Variants in PCDHGA1 observed in about 807,000 individuals in gnomAD.
PCDHGA1 encodes protocadherin gamma-A1.
PCDHGA1 carries 32 observed loss-of-function variants against 58.0 expected under a neutral mutation model. That is an observed-to-expected ratio of 0.55 (90% confidence interval 0.42 to 0.74). The LOEUF (loss-of-function observed/expected upper bound fraction) is 0.74, where lower values mean the gene tolerates loss of function less well. PCDHGA1 is among the 30% of genes least tolerant of loss of function. The pLI is 0.00. For missense variants in PCDHGA1, 1,205 were observed against 1,182.3 expected, an observed-to-expected ratio of 1.02 and a Z score of -0.28; for synonymous variants, 498 against 501.1, an observed-to-expected ratio of 0.99 and a Z score of 0.08.
chr5:141,370,990 C>T (rs763809323), intron 1 of PCDHGA1: 3 of 1,613,826 alleles, frequency 1.9e-6, no homozygotes, highest in Admixed American at 1.7e-5. Flanking sequence ...CTGAAAGCAC[C>T]CCTGGACAGG....
intron 1 of PCDHGA1, chr5:141,370,780 AC>A: frequency 6.2e-7 from 1 of 1,613,990 alleles, no homozygotes; most frequent in Non-Finnish European, 8.5e-7. Context: ...ATTAACGACA[AC>A]CCACCGACCT....
At position 141,340,127 on chromosome 5, in the gene PCDHGA1, C is replaced by T. The variant is rs372581475; in HGVS notation, c.2421+7022C>T. The T allele has an allele frequency of 5.0e-5, 80 of 1,614,068 alleles. No homozygotes were observed. Among genetic ancestry groups the T allele is most frequent in the Non-Finnish European group, 4.8e-5 (57 of 1,180,014 alleles). On this transcript the variant is annotated intron_variant, in intron 1 of 3. Transcript: ENST00000517417. ...GCAGAACGCATTCACCACCTGTTCA[C>T]TCCCCGAGGATCTTCCTTTTAAGTT...
At chr5:141,370,968 C>A (rs528172004) in intron 1 of PCDHGA1, 3 of 1,613,848 alleles carry the variant, frequency 1.9e-6, no homozygotes, top group East Asian at 2.2e-5. Flanking sequence ...CAGTAGGTAC[C>A]CAGAGCTAGT....
chr5:141,360,907 G>T, intron 1 of PCDHGA1: 1 of 1,613,998 alleles, frequency 6.2e-7, no homozygotes, highest in Non-Finnish European at 8.5e-7. Context: ...CGTGCCGCCG[G>T]GCTTCTTTGT....
chr5:141,480,371 C>T (rs1562080299), intron 1 of PCDHGA1, among the ~76,000 whole-genome samples: 1 of 151,908 alleles, frequency 6.6e-6, no homozygotes, highest in African/African-American at 2.4e-5. Flanking sequence ...GCTGTGATTG[C>T]ACCACTACAC....
At chr5:141,346,268 G>T in intron 1 of PCDHGA1, 1 of 1,614,196 alleles carries the variant, frequency 6.2e-7, no homozygotes, top group South Asian at 1.1e-5. Context: ...GCGCGGACGG[G>T]GTTCGGGCTT....
At chr5:141,351,265 C>G (rs748596533) in intron 1 of PCDHGA1, 62 of 1,613,778 alleles carry the variant, frequency 3.8e-5, no homozygotes, top group Non-Finnish European at 5.1e-5. Flanking sequence ...AAATTGTTGA[C>G]GAGAATGACA....
chr5:141,445,825 G>A (rs1031190864), intron 1 of PCDHGA1, among the ~76,000 whole-genome samples: 8 of 152,124 alleles, frequency 5.3e-5, no homozygotes, highest in Non-Finnish European at 1.2e-4. Context: ...AATAAGGCAG[G>A]GAGAGCCTTG....
At chr5:141,344,204 G>A in intron 1 of PCDHGA1, 1 of 1,614,036 alleles carries the variant, frequency 6.2e-7, no homozygotes, top group East Asian at 2.2e-5. Context: ...TAGAGCCCCG[G>A]GAGCTGGCGG....
At chr5:141,427,957 C>A in intron 1 of PCDHGA1, 2 of 1,588,400 alleles carry the variant, frequency 1.3e-6, no homozygotes, top group Non-Finnish European at 1.7e-6. Flanking sequence ...GACAATGTGC[C>A]GCGGGTGCTG....
chr5:141,376,542 C>A, intron 1 of PCDHGA1: 1 of 1,612,918 alleles, frequency 6.2e-7, no homozygotes, highest in Non-Finnish European at 8.5e-7. Flanking sequence ...GAAGAGTAAT[C>A]TGATCTTCCC....
intron 1 of PCDHGA1, chr5:141,343,074 C>A (rs569373311): frequency 1.1e-4 from 17 of 159,502 alleles, no homozygotes; most frequent in Non-Finnish European, 2.1e-4. Context: ...CTTGGCTTCT[C>A]CCATTATGGT....
intron 1 of PCDHGA1, chr5:141,350,286 T>C (rs1758439533): frequency 1.3e-6 from 2 of 1,510,806 alleles, no homozygotes; most frequent in Middle Eastern, 1.8e-4. Flanking sequence ...GAAGCCGAAA[T>C]GATGAAAAGT....
chr5:141,339,617 G>A lies in PCDHGA1; in HGVS notation c.2421+6512G>A, dbSNP rs752154051. 8.1e-6 allele frequency: 13 copies of A among 1,614,116 alleles called. No individual in the cohort carries two copies. Among genetic ancestry groups the A allele is most frequent in the Middle Eastern group, 1.6e-4 (1 of 6,084 alleles). On this transcript the variant is annotated intron_variant, in intron 1 of 3. Coordinates refer to ENST00000517417, the MANE Select transcript of PCDHGA1 (RefSeq NM_018912.3). ...TCACCACCTCGTTCTCGTGGCTTCT[G>A]ATGGGGGTGACCCAGTGCTATCTGG...
chr5:141,423,572 G>T (rs1239529114), intron 1 of PCDHGA1: 2 of 1,613,510 alleles, frequency 1.2e-6, no homozygotes, highest in African/African-American at 1.3e-5. Context: ...ACGCTCATCA[G>T]CCAGGAGAGC....
chr5:141,484,962 G>A (rs2099604361), intron 1 of PCDHGA1: 1 of 577,858 alleles, frequency 1.7e-6, no homozygotes, highest in Non-Finnish European at 3.1e-6. Flanking sequence ...GGCTGAGCCC[G>A]GGAGCCGCTG....
At chr5:141,340,102 G>A (rs1756906668) in intron 1 of PCDHGA1, 1 of 1,614,070 alleles carries the variant, frequency 6.2e-7, no homozygotes, top group South Asian at 1.1e-5. Context: ...GAGACTCTGG[G>A]CAGAACGCAT....
Position 141,476,129 on chromosome 5 carries a change from G to T in PCDHGA1, c.2422-18678G>T, listed in dbSNP as rs2099385585. 6.2e-7 allele frequency: 1 copy of T among 1,606,848 alleles called. No homozygotes were observed. The highest frequency in any genetic ancestry group is 1.3e-5 in the African/African-American group (1 of 75,000). On this transcript the variant is annotated intron_variant, in intron 1 of 3. Transcript: ENST00000517417. The surrounding 1 kb of genome is among the most constrained non-coding windows in gnomAD (Gnocchi z 7.6). ...GCTTTTGAGTGAGATGGTCCCAGAG[G>T]CCTGGAGGAGCGGACTGGTAAGCAC...
At chr5:141,403,588 C>T in intron 1 of PCDHGA1, 1 of 1,613,904 alleles carries the variant, frequency 6.2e-7, no homozygotes, top group South Asian at 1.1e-5. Flanking sequence ...ACCTGGTCCT[C>T]ACGGCCTCGG....
Sources: gnomAD v4.1 joint callset for allele counts (sites outside exome capture counted in the v4.1 genomes callset) on GRCh38, gnomAD v4.1.1 for gene constraint, Gnocchi (gnomAD v3.1) non-coding constraint, MANE v1.5 for transcripts, NCBI Gene and HGNC (gene_info 2026-07-23, HGNC 2026-07-21) for gene names.